The following ECM1 variants were observed in gnomAD, a reference collection of about 807,000 sequenced individuals.
ECM1 encodes secretory component p85.
Under a neutral mutation model 57.9 loss-of-function variants are expected in ECM1, and 54 were observed. That is an observed-to-expected ratio of 0.93 (90% confidence interval 0.75 to 1.17). The LOEUF (loss-of-function observed/expected upper bound fraction) is 1.17, where lower values mean the gene tolerates loss of function less well. Among genes scored for constraint, ECM1 ranks in the 50% most tolerant of loss-of-function variants. ECM1 has a pLI of 0.00. For missense variants in ECM1, 649 were observed against 688.1 expected, an observed-to-expected ratio of 0.94 and a Z score of 0.64; for synonymous variants, 237 against 259.1, an observed-to-expected ratio of 0.91 and a Z score of 0.82.
rs149177710 is a variant in ECM1, at chr1:150,509,697, G to A, written c.158G>A (p.Arg53Gln). 143 of 720,420 alleles carry A rather than the reference G, an allele frequency of 2.0e-4. No homozygotes were observed. In the African/African-American group the frequency reaches 2.4e-3, roughly 12 times the overall value. The allele number at this position is 720,420 out of a possible 1,614,324, so 44.6% of individuals were successfully genotyped here. A position where few individuals can be genotyped will look rare whatever the true frequency, so the allele number is the denominator to read the frequency against. ...GCTCCCCCCTCCCCACCCCTATCCC[G>A]AAGCCTCCCCATGGATCACCCTGAC... is the stretch of plus-strand genomic sequence containing the variant. ...YAAPPSPPLS[R>Q]SLPMDHPDSS... Residue 53 changes from arginine to glutamine, a missense_variant, in exon 3 of 10, where the codon CGA (arginine) becomes CAA (glutamine). Coordinates refer to ENST00000369047, the MANE Select transcript of ECM1 (RefSeq NM_004425.4).
At position 150,511,499 on chromosome 1, in the gene ECM1, G is replaced by T; in HGVS notation, c.751G>T (p.Val251Phe). ...CCGATTCTGTGAGGCCGAGTTCTCG[G>T]TCAAGACCCGACCCCACTGGTGCTG... is the stretch of plus-strand genomic sequence containing the variant. Reference protein sequence around the residue: ...MSRFCEAEFSVKTRPHWCCTR... With the variant: ...MSRFCEAEFSFKTRPHWCCTR... The change falls in exon 7 of 10, where the codon GTC (valine) becomes TTC (phenylalanine). Residue 251 changes from valine (V) to phenylalanine (F), a missense_variant. Val to Phe is a conservative substitution (Grantham distance 50). Transcript: ENST00000369047. 6.2e-7 allele frequency: 1 copy of T among 1,614,132 alleles called. No individual in the cohort carries two copies. Among genetic ancestry groups the T allele is most frequent in the South Asian group, 1.1e-5 (1 of 91,078 alleles).
In ECM1 at chr1:150,511,079, C is replaced by G. The variant is rs768238358; in HGVS notation, c.589C>G (p.Gln197Glu). The change falls in exon 6 of 10, where the codon CAG becomes GAG. Residue 197 changes from glutamine (Q) to glutamate (E), a missense_variant. Physicochemically the swap from Gln to Glu is conservative, Grantham distance 29 (BLOSUM62 2). Coordinates refer to ENST00000369047, the MANE Select transcript of ECM1 (RefSeq NM_004425.4). ...GGTATATGGTCCCTGGAACCTACCA[C>G]AGTCCAGCTACTCCCACCTCACTCG... ...HVVYGPWNLP[Q>E]SSYSHLTRQG... The G allele has an allele frequency of 1.9e-6, 3 of 1,614,250 alleles. No individual in the cohort carries two copies. In the South Asian group the frequency reaches 3.3e-5, roughly 18 times the overall value.
intron 4 of ECM1, 31 bp downstream of exon 4, chr1:150,510,033 A>G: frequency 1.2e-6 from 2 of 1,613,854 alleles, no homozygotes; most frequent in South Asian, 1.1e-5. Context: ...CCTCACCTCT[A>G]TCCCACTATG....
chr1:150,509,789 C>T lies in ECM1; in HGVS notation c.223+27C>T, dbSNP rs762949958. The T allele has an allele frequency of 1.9e-6, 3 of 1,613,474 alleles. No homozygotes were observed. In the African/African-American group the frequency reaches 4.0e-5, roughly 22 times the overall value. ...TAAGGTCACCATCCCATGCCCTCCT[C>T]AGTGACCCTCCAGGTTTCTAATCTG... On this transcript the variant is annotated intron_variant, in intron 3 of 9. Coordinates refer to ENST00000369047, the MANE Select transcript of ECM1 (RefSeq NM_004425.4).
At chr1:150,511,874 C>G (rs1335561507) in intron 7 of ECM1, 43 bp downstream of exon 7, 2 of 1,568,116 alleles carry the variant, frequency 1.3e-6, no homozygotes, top group South Asian at 2.4e-5. Flanking sequence ...GTTTGCCTGC[C>G]TGCCCATCTT....
At chr1:150,509,424 TCTTG>T (rs1479933971) in intron 1 of ECM1, 103 bp from the exon 2 acceptor site, 3 of 1,245,104 alleles carry the variant, frequency 2.4e-6, no homozygotes, top group Non-Finnish European at 3.5e-6. Flanking sequence ...GCATCTCGTG[TCTTG>T]CTTGTCTGTC....
rs1570883173 is a variant in ECM1 at position 150,510,087 on chromosome 1, A to C, written c.305-15A>C. 6.2e-7 allele frequency: 1 copy of C among 1,613,568 alleles called. No individual in the cohort carries two copies. The highest frequency in any genetic ancestry group is 8.5e-7 in the Non-Finnish European group (1 of 1,179,756). On this transcript the variant is annotated splice_polypyrimidine_tract_variant and intron_variant, in intron 4 of 9. Coordinates refer to ENST00000369047, the MANE Select transcript of ECM1 (RefSeq NM_004425.4). ...CTGATCCCTGCTCCTTGGTGCCCTC[A>C]CCCCTATCTTGCAGTGGGTCCCCCT...
At chr1:150,510,215 T>A in intron 5 of ECM1, 33 bp downstream of exon 5, 1 of 1,598,808 alleles carries the variant, frequency 6.3e-7, no homozygotes, top group Non-Finnish European at 8.6e-7. Flanking sequence ...TACCCACCTT[T>A]ACCTCATGGC....
chr1:150,509,351 C>G, intron 1 of ECM1, 180 bp from the exon 2 acceptor site: 1 of 683,042 alleles, frequency 1.5e-6, no homozygotes, highest in Non-Finnish European at 2.6e-6. Flanking sequence ...CCCAGCTGGT[C>G]ATGTCTAGGT....
At position 150,512,789 on chromosome 1, in the gene ECM1, C is replaced by T. The variant is rs745666730; in HGVS notation, c.1369C>T (p.Gln457Ter). The T allele has an allele frequency of 6.2e-7, 1 of 1,614,164 alleles. No homozygotes were observed. The highest frequency in any genetic ancestry group is 1.3e-5 in the African/African-American group (1 of 75,034). Residue 457 changes from glutamine (Q) to a stop codon, truncating the protein, a stop_gained, in exon 9 of 10, where the codon CAG becomes TAG. Transcript: ENST00000369047. LOFTEE classifies it high-confidence loss of function. ...CTGCTGTGACCTGCCATTTCCAGAACAGGCCTGCTGTGCAGAGGAGGAGGT... is the reference window on the plus strand; with the variant it reads ...CTGCTGTGACCTGCCATTTCCAGAATAGGCCTGCTGTGCAGAGGAGGAGGT... Reference protein sequence around the residue: ...ARCCDLPFPEQACCAEEEKLT... With the variant: ...ARCCDLPFPE
chr1:150,511,534 G>A lies in ECM1; in HGVS notation c.786G>A (p.Gln262=), dbSNP rs766938720. 6.2e-7 allele frequency: 1 copy of A among 1,614,172 alleles called. No homozygotes were observed. Among genetic ancestry groups the A allele is most frequent in the Non-Finnish European group, 8.5e-7 (1 of 1,180,012 alleles). Residue 262 remains glutamine, a synonymous_variant, in exon 7 of 10, where the codon CAG becomes CAA. Coordinates refer to ENST00000369047, the MANE Select transcript of ECM1 (RefSeq NM_004425.4). ...GACCCCACTGGTGCTGCACGCGGCAGGGGGAGGCTCGGTTCTCCTGCTTCC... is the reference window on the plus strand; with the variant it reads ...GACCCCACTGGTGCTGCACGCGGCAAGGGGAGGCTCGGTTCTCCTGCTTCC... ...KTRPHWCCTR[Q]GEARFSCFQE...
intron 5 of ECM1, 95 bp from the exon 6 acceptor site, chr1:150,510,781 C>A: frequency 1.6e-6 from 2 of 1,284,366 alleles, no homozygotes; most frequent in Non-Finnish European, 2.3e-6. Flanking sequence ...CCAACCCTTT[C>A]TCCTCCACCC....
chr1:150,509,693 T>G lies in ECM1; in HGVS notation c.154T>G (p.Ser52Ala), dbSNP rs1670381720. ...CGCAGCTCCCCCCTCCCCACCCCTA[T>G]CCCGAAGCCTCCCCATGGATCACCC... ...GYAAPPSPPL[S>A]RSLPMDHPDS... The change falls in exon 3 of 10, where the codon TCC (serine) becomes GCC (alanine). Residue 52 changes from serine (S) to alanine (A), a missense_variant. Transcript: ENST00000369047. 1 of 1,207,920 alleles carries G rather than the reference T, an allele frequency of 8.3e-7. No individual in the cohort carries two copies. The highest frequency in any genetic ancestry group is 1.2e-6 in the Non-Finnish European group (1 of 855,604). 74.8% of individuals were successfully genotyped at this position (1,207,920 alleles called of 1,614,324 possible).
chr1:150,512,308 G>C (rs777275329), intron 7 of ECM1, 44 bp from the exon 8 acceptor site: 19 of 1,599,920 alleles, frequency 1.2e-5, no homozygotes, highest in Non-Finnish European at 1.5e-5. Flanking sequence ...AGGAGAGAAG[G>C]GGCCAAGTGT....
At chr1:150,508,976 TC>T (rs1253716576) in intron 1 of ECM1, among the ~76,000 whole-genome samples, 4 of 151,664 alleles carry the variant, frequency 2.6e-5, no homozygotes, top group African/African-American at 9.7e-5. Flanking sequence ...CCTGTCCCAG[TC>T]CCCCAGGCCC....
chr1:150,509,581 G>C lies in ECM1; in HGVS notation c.121G>C (p.Val41Leu), dbSNP rs931018884. The C allele has an allele frequency of 2.5e-6, 4 of 1,614,054 alleles. 1 individual carries two copies. In the African/African-American group the frequency reaches 5.3e-5, roughly 22 times the overall value. Reference protein sequence around the residue: ...RQLRPEHFQEVGYAAPPSPPL... With the variant: ...RQLRPEHFQELGYAAPPSPPL... ...GCTGAGGCCAGAGCACTTTCAAGAAGGTAAGAGTTTGGGGGAGCAGCATGG... is the reference window on the plus strand; with the variant it reads ...GCTGAGGCCAGAGCACTTTCAAGAACGTAAGAGTTTGGGGGAGCAGCATGG... Residue 41 changes from valine (V) to leucine (L), a missense_variant and splice_region_variant, in exon 2 of 10, where the codon GTT becomes CTT. Transcript: ENST00000369047.
chr1:150,510,092 T>A lies in ECM1; in HGVS notation c.305-10T>A. On this transcript the variant is annotated splice_polypyrimidine_tract_variant and intron_variant, in intron 4 of 9. Coordinates refer to ENST00000369047, the MANE Select transcript of ECM1 (RefSeq NM_004425.4). ...CCCTGCTCCTTGGTGCCCTCACCCC[T>A]ATCTTGCAGTGGGTCCCCCTCTCCC... 6.2e-7 allele frequency: 1 copy of A among 1,613,954 alleles called. No individual in the cohort carries two copies. Among genetic ancestry groups the A allele is most frequent in the Non-Finnish European group, 8.5e-7 (1 of 1,179,814 alleles).
chr1:150,511,868 G>T, intron 7 of ECM1, 37 bp downstream of exon 7: 1 of 1,571,072 alleles, frequency 6.4e-7, no homozygotes, highest in African/African-American at 1.4e-5. Flanking sequence ...GAGCCTGTTT[G>T]CCTGCCTGCC....
rs139761206 is a variant in ECM1, at chr1:150,511,093, C to A, written c.603C>A (p.Ser201=). The change falls in exon 6 of 10, where the codon TCC becomes TCA. Residue 201 remains serine (S), a synonymous_variant. Transcript: ENST00000369047. ...GGAACCTACCACAGTCCAGCTACTC[C>A]CACCTCACTCGCCAGGGTGAGACCC... The part of the protein sequence containing the change: ...GPWNLPQSSY[S]HLTRQGETLN... The A allele has an allele frequency of 1.9e-6, 3 of 1,614,110 alleles. No homozygotes were observed. The African/African-American group carries it at 4.0e-5, about 22-fold the overall frequency.
Sources: allele counts gnomAD v4.1 joint callset (sites outside exome capture counted in the v4.1 genomes callset), GRCh38; gene constraint gnomAD v4.1.1; transcripts MANE v1.5; gene names NCBI Gene and HGNC (gene_info 2026-07-23, HGNC 2026-07-21).